Variants in DLC1 observed in about 807,000 individuals in gnomAD.
DLC1 encodes DLC1 Rho GTPase activating protein, also known as rho GTPase-activating protein 7.
In DLC1, 54 loss-of-function variants were observed where a neutral mutation model predicts 140.3. The observed-to-expected ratio is 0.38, with a 90% CI of 0.31 to 0.48. The LOEUF (loss-of-function observed/expected upper bound fraction) is 0.48. DLC1 is among the 20% of genes least tolerant of loss of function. DLC1 has a pLI of 0.96. For synonymous variants in DLC1, 986 were observed against 728.1 expected, an observed-to-expected ratio of 1.35 and a Z score of -5.70; for missense variants, 2,536 against 1,907.0, an observed-to-expected ratio of 1.33 and a Z score of -6.14.
chr8:13,415,676 G>A (rs1268626331), intron 2 of DLC1, among the ~76,000 whole-genome samples: 2 of 152,194 alleles, frequency 1.3e-5, no homozygotes, highest in Non-Finnish European at 2.9e-5. Context: ...TGGGATTACA[G>A]GCATGAGCCA....
chr8:13,417,984 A>G (rs1392778415), intron 2 of DLC1, among the ~76,000 whole-genome samples: 2 of 151,964 alleles, frequency 1.3e-5, no homozygotes, highest in African/African-American at 4.8e-5. Context: ...GCATTTTTTC[A>G]TGTGTCTTTT....
intron 2 of DLC1, among the ~76,000 whole-genome samples, chr8:13,411,412 A>C (rs2117298087): frequency 6.6e-6 from 1 of 152,320 alleles, no homozygotes; most frequent in African/African-American, 2.4e-5. Context: ...GAAAATCCAG[A>C]CCATAGAGGA....
At chr8:13,422,406 T>C in intron 2 of DLC1, among the ~76,000 whole-genome samples, 1 of 152,104 alleles carries the variant, frequency 6.6e-6, no homozygotes, top group East Asian at 1.9e-4. Context: ...AGATTGCTTT[T>C]TTTTTTTCTT....
chr8:13,506,560 C>G (rs1483834562), intron 1 of DLC1, among the ~76,000 whole-genome samples: 3 of 82,202 alleles, frequency 3.6e-5, no homozygotes, highest in East Asian at 4.7e-4. Flanking sequence ...CACACACACA[C>G]ACACACATGT....
At chr8:13,191,748 G>A (rs1826767468) in intron 5 of DLC1, among the ~76,000 whole-genome samples, 1 of 152,028 alleles carries the variant, frequency 6.6e-6, no homozygotes, top group African/African-American at 2.4e-5. Context: ...TTTTCCTGGT[G>A]TCCAGGCTGT....
At chr8:13,229,376 A>G (rs1828942504) in intron 5 of DLC1, among the ~76,000 whole-genome samples, 1 of 152,290 alleles carries the variant, frequency 6.6e-6, no homozygotes, top group South Asian at 2.1e-4. Flanking sequence ...TAAAATATCT[A>G]GAATAGACTA....
intron 1 of DLC1, among the ~76,000 whole-genome samples, chr8:13,537,504 A>C (rs936710373): frequency 1.3e-5 from 2 of 152,250 alleles, no homozygotes; most frequent in African/African-American, 4.8e-5. Flanking sequence ...CTCAAGTCTT[A>C]AGGTTTCAGT....
At chr8:13,103,010 A>G (rs1445912660) in intron 7 of DLC1, among the ~76,000 whole-genome samples, 157 bp from the exon 8 acceptor site, 1 of 152,218 alleles carries the variant, frequency 6.6e-6, no homozygotes, top group Non-Finnish European at 1.5e-5. Flanking sequence ...TTAAAAAGTG[A>G]GTCATTTAAA....
chr8:13,604,335 A>G (rs1805978711), intron 1 of DLC1, among the ~76,000 whole-genome samples: 2 of 152,170 alleles, frequency 1.3e-5, no homozygotes, highest in African/African-American at 4.8e-5. Flanking sequence ...TCAATGTCAG[A>G]CAGTGACACT....
chr8:13,347,846 TTG>T (rs1483742905), intron 4 of DLC1, among the ~76,000 whole-genome samples: 2 of 152,188 alleles, frequency 1.3e-5, no homozygotes, highest in Admixed American at 1.3e-4. Flanking sequence ...CTTCCTGGCT[TTG>T]TGAGTCCAAG....
intron 5 of DLC1, among the ~76,000 whole-genome samples, chr8:13,215,313 C>T (rs565814363): frequency 1.9e-3 from 289 of 152,344 alleles, no homozygotes; most frequent in Non-Finnish European, 2.7e-3. Context: ...AGGCTGGGCA[C>T]AGTGGCTCAC....
chr8:13,250,646 A>T (rs946565305), intron 5 of DLC1, among the ~76,000 whole-genome samples: 11 of 152,198 alleles, frequency 7.2e-5, no homozygotes, highest in African/African-American at 2.7e-4. Flanking sequence ...ATACTATAAG[A>T]AAGTTCAGTG....
chr8:13,527,403 AT>A (rs1802950127), intron 1 of DLC1, among the ~76,000 whole-genome samples: 1 of 152,076 alleles, frequency 6.6e-6, no homozygotes, highest in South Asian at 2.1e-4. Flanking sequence ...TCATTGATTA[AT>A]TTTTGAATGT....
intron 4 of DLC1, among the ~76,000 whole-genome samples, chr8:13,360,487 A>G (rs1277906665): frequency 6.6e-6 from 1 of 152,182 alleles, no homozygotes; most frequent in Non-Finnish European, 1.5e-5. Context: ...GCACATTGAC[A>G]TCACCTGGGA....
At chr8:13,586,006 G>A (rs1422547320) in intron 1 of DLC1, among the ~76,000 whole-genome samples, 1 of 152,138 alleles carries the variant, frequency 6.6e-6, no homozygotes, top group Non-Finnish European at 1.5e-5. Flanking sequence ...TAGAGTTATA[G>A]CTGAAAATAG....
chr8:13,495,222 A>G (rs13257976), intron 2 of DLC1, among the ~76,000 whole-genome samples: 129,022 of 152,100 alleles, frequency 0.85, 55,630 homozygotes, highest in Non-Finnish European at 0.94. Flanking sequence ...GTCTTTACAG[A>G]AGACTGAATT....
intron 4 of DLC1, among the ~76,000 whole-genome samples, chr8:13,313,713 T>G (rs1832765444): frequency 6.6e-6 from 1 of 152,254 alleles, no homozygotes; most frequent in Non-Finnish European, 1.5e-5. Context: ...AATTAACTTG[T>G]TTCCACATGT....
intron 2 of DLC1, among the ~76,000 whole-genome samples, chr8:13,440,783 G>C (rs192264361): frequency 4.1e-4 from 62 of 152,092 alleles, no homozygotes; most frequent in Middle Eastern, 3.4e-3. Context: ...GTTTATCAGG[G>C]GATTCTGCAT....
chr8:13,405,451 C>T (rs1233464199), intron 2 of DLC1, among the ~76,000 whole-genome samples: 2 of 152,172 alleles, frequency 1.3e-5, no homozygotes, highest in African/African-American at 4.8e-5. Context: ...TCACTCAACA[C>T]CAAATAATTC....
Sources: allele counts gnomAD v4.1 joint callset (sites outside exome capture counted in the v4.1 genomes callset), GRCh38; gene constraint gnomAD v4.1.1; transcripts MANE v1.5; gene names NCBI Gene and HGNC (gene_info 2026-07-23, HGNC 2026-07-21).